The following RASA3 variants were observed in gnomAD, a reference collection of about 807,000 sequenced individuals.
The protein encoded by RASA3 is ras GTPase-activating protein 3.
Under a neutral mutation model 110.0 loss-of-function variants are expected in RASA3, and 73 were observed. That is an observed-to-expected ratio of 0.66 (90% CI 0.55 to 0.81). The LOEUF (loss-of-function observed/expected upper bound fraction) is 0.81. RASA3 is among the 30% of genes least tolerant of loss of function. The probability of loss-of-function intolerance (pLI) is 0.00; values close to 1 mark genes in which losing one functional copy is unlikely to be tolerated. For synonymous variants in RASA3, 500 were observed against 451.4 expected (o/e 1.11, Z -1.37); for missense variants, 976 against 1,113.2 (o/e 0.88, Z 1.75).
In RASA3 at chr13:114,013,878, ATC is replaced by A. The variant is rs1202612439; in HGVS notation, c.1406-632_1406-631del. 3.2e-4 allele frequency among the ~76,000 whole-genome samples: 9 copies of A among 28,280 alleles called. 1 individual carries two copies. Among genetic ancestry groups the A allele is most frequent in the Non-Finnish European group, 4.7e-4 (7 of 14,882 alleles). The allele number at this position is 28,280 out of a possible 152,430, so 18.6% of individuals were successfully genotyped here. On this transcript the variant is annotated intron_variant, in intron 14 of 23. Transcript: ENST00000334062. ...TGTCTCTCTCCCTGTCTCTCTCCCT[ATC>A]TCTGTCTCTCTCTTTTTCTCTCTTT...
rs202166586 is a variant in RASA3 at position 114,005,817 on chromosome 13, C to CCA, written c.1742+1715_1742+1716insTG. ...GCCGGACACCACCTTACCCTTCTCCCCTCCTGCCCTGCCGGACGCCACCTT... is the reference window on the plus strand; with the variant it reads ...GCCGGACACCACCTTACCCTTCTCCCCACTCCTGCCCTGCCGGACGCCACCTT... On this transcript the variant is annotated intron_variant, in intron 18 of 23. Transcript: ENST00000334062. Among the ~76,000 whole-genome samples, 298 of 93,374 alleles carry CCA rather than the reference C, an allele frequency of 3.2e-3. 23 individuals are homozygous for CCA. The highest frequency in any genetic ancestry group is 7.8e-3 in the African/African-American group (213 of 27,334). 61.3% of individuals were successfully genotyped at this position (93,374 alleles called of 152,430 possible). A position where few individuals can be genotyped will look rare whatever the true frequency, so the allele number is the denominator to read the frequency against.
chr13:114,132,396 G>T (rs1382418927), intron 1 of RASA3, 39 bp downstream of exon 1: 5 of 1,486,146 alleles, frequency 3.4e-6, no homozygotes, highest in African/African-American at 1.4e-5. Context: ...ACAGGGTCGG[G>T]CCGGGGGGTC....
At position 114,016,065 on chromosome 13, in the gene RASA3, C is replaced by T. The variant is rs141048687; in HGVS notation, c.1281+132G>A. The stretch of plus-strand genomic sequence containing the variant: ...GCCAGCGTACTGCAGCCGGGTGAGG[C>T]GGGTATCCCCACGCCTGGTCCTGCT... On this transcript the variant is annotated intron_variant, in intron 13 of 23. Transcript: ENST00000334062. 2.3e-3 allele frequency: 1,633 copies of T among 717,472 alleles called. 3 individuals carry two copies. The highest frequency in any genetic ancestry group is 0.017 in the African/African-American group (943 of 56,930). The allele number at this position is 717,472 out of a possible 1,614,324, so 44.4% of individuals were successfully genotyped here.
In RASA3 at chr13:114,007,547, G is replaced by A. The variant is rs756286768; in HGVS notation, c.1728C>T (p.Ile576=). The A allele has an allele frequency of 1.5e-5, 25 of 1,612,920 alleles. No individual in the cohort carries two copies. Among genetic ancestry groups the A allele is most frequent in the Non-Finnish European group, 1.8e-5 (21 of 1,179,500 alleles). The part of the protein sequence containing the change: ...RRDPKSVEQP[I]VLKEGFMIKR... ...ACCCTCCTTACCCTTCTTTAAGCACGATGGGCTGCTCAACACTCTTGGGGT... is the reference window on the plus strand; with the variant it reads ...ACCCTCCTTACCCTTCTTTAAGCACAATGGGCTGCTCAACACTCTTGGGGT... The change falls in exon 18 of 24, where the codon ATC becomes ATT. Residue 576 remains isoleucine (I), a synonymous_variant. Coordinates refer to ENST00000334062, the MANE Select transcript of RASA3 (RefSeq NM_007368.4).
At chr13:114,018,491 G>A (rs2053844068) in intron 10 of RASA3, among the ~76,000 whole-genome samples, 1 of 152,222 alleles carries the variant, frequency 6.6e-6, no homozygotes. Flanking sequence ...TAGGGCCCCT[G>A]AGCCGGTAGA....
At chr13:113,990,864 G>A (rs2139082176) in intron 22 of RASA3, among the ~76,000 whole-genome samples, 1 of 152,386 alleles carries the variant, frequency 6.6e-6, no homozygotes, top group African/African-American at 2.4e-5. Context: ...GAACATGTGT[G>A]TACATGGCTA....
chr13:114,119,527 C>CT (rs1257860111), intron 1 of RASA3, among the ~76,000 whole-genome samples: 59 of 110,344 alleles, frequency 5.3e-4, no homozygotes, highest in African/African-American at 9.7e-4. Flanking sequence ...GCCCCCCTCC[C>CT]CTCTCCAGCC....
intron 15 of RASA3, 111 bp downstream of exon 15, chr13:114,013,031 A>ACGCATTC (rs1292835089): frequency 3.7e-6 from 3 of 800,806 alleles, no homozygotes; most frequent in Admixed American, 2.4e-5. Context: ...CACACTCCCC[A>ACGCATTC]CGCATTCCAC....
At chr13:114,094,277 C>T (rs571352976) in intron 1 of RASA3, among the ~76,000 whole-genome samples, 3 of 152,294 alleles carry the variant, frequency 2.0e-5, no homozygotes, top group Admixed American at 6.5e-5. Context: ...AATTTCACTC[C>T]TAGGTATATA....
chr13:114,017,389 G>A, intron 11 of RASA3, 38 bp from the exon 12 acceptor site: 1 of 1,546,554 alleles, frequency 6.5e-7, no homozygotes, highest in South Asian at 1.1e-5. Flanking sequence ...TGTCTCCTGG[G>A]GACGCGGAAG....
At chr13:114,126,363 G>A (rs1046216821) in intron 1 of RASA3, among the ~76,000 whole-genome samples, 17 of 152,190 alleles carry the variant, frequency 1.1e-4, no homozygotes, top group Non-Finnish European at 1.8e-4. Context: ...GCCCCTCAAA[G>A]GCCAGGCCGT....
At chr13:114,117,563 G>A (rs2080304599) in intron 1 of RASA3, among the ~76,000 whole-genome samples, 1 of 146,814 alleles carries the variant, frequency 6.8e-6, no homozygotes, top group Non-Finnish European at 1.5e-5. Context: ...ACGTGTGTGA[G>A]GGGTGCATGC....
chr13:114,030,703 T>A (rs1309200181), intron 4 of RASA3, among the ~76,000 whole-genome samples: 1 of 152,192 alleles, frequency 6.6e-6, no homozygotes, highest in Non-Finnish European at 1.5e-5. Flanking sequence ...TGTCCACCTG[T>A]CTGTGCGTAC....
chr13:113,992,896 T>C (rs1214877941), intron 21 of RASA3, among the ~76,000 whole-genome samples: 1 of 152,246 alleles, frequency 6.6e-6, no homozygotes, highest in East Asian at 1.9e-4. Flanking sequence ...CTGTTTAGTA[T>C]TTAAAATGTG....
intron 3 of RASA3, among the ~76,000 whole-genome samples, chr13:114,043,897 CG>C (rs1328853466): frequency 5.0e-4 from 9 of 18,110 alleles, no homozygotes; most frequent in Admixed American, 2.0e-3. Flanking sequence ...TGAGCCCCCC[CG>C]CCCCGCCTCA....
At chr13:114,017,389 G>C in intron 11 of RASA3, 38 bp from the exon 12 acceptor site, 2 of 1,546,554 alleles carry the variant, frequency 1.3e-6, no homozygotes, top group Non-Finnish European at 1.8e-6. Context: ...TGTCTCCTGG[G>C]GACGCGGAAG....
chr13:114,024,526 T>A (rs1456731327), intron 7 of RASA3, among the ~76,000 whole-genome samples, 171 bp from the exon 8 acceptor site: 1 of 152,230 alleles, frequency 6.6e-6, no homozygotes, highest in Non-Finnish European at 1.5e-5. Flanking sequence ...GCTTCCTGAG[T>A]GCCAGCATTT....
chr13:114,073,157 T>C (rs1418310626), intron 2 of RASA3, among the ~76,000 whole-genome samples: 2 of 146,652 alleles, frequency 1.4e-5, no homozygotes, highest in Non-Finnish European at 3.0e-5. Flanking sequence ...CTTGGGACAC[T>C]GTCTACACAC....
chr13:114,110,224 G>T (rs1230929820), intron 1 of RASA3, among the ~76,000 whole-genome samples: 1 of 152,238 alleles, frequency 6.6e-6, no homozygotes, highest in Non-Finnish European at 1.5e-5. Flanking sequence ...CCCCAGGGGG[G>T]CCTGGAAGCT....
Sources: gnomAD v4.1 joint callset for allele counts (sites outside exome capture counted in the v4.1 genomes callset) on GRCh38, gnomAD v4.1.1 for gene constraint, MANE v1.5 for transcripts, NCBI Gene and HGNC (gene_info 2026-07-23, HGNC 2026-07-21) for gene names.